Variants in NIT2 observed in about 807,000 individuals in gnomAD.
The protein encoded by NIT2 is nitrilase family member 2, also known as omega-amidase NIT2.
A neutral mutation model predicts 42.7 loss-of-function variants in NIT2; 46 were observed. The observed-to-expected ratio is 1.08, with a 90% confidence interval of 0.85 to 1.38. The LOEUF (loss-of-function observed/expected upper bound fraction) is 1.38, where lower values mean the gene tolerates loss of function less well. Among genes scored for constraint, NIT2 ranks in the 40% most tolerant of loss-of-function variants. The pLI is 0.00. For synonymous variants in NIT2, 123 were observed against 121.9 expected, an observed-to-expected ratio of 1.01 and a Z score of -0.06; for missense variants, 309 against 342.5, an observed-to-expected ratio of 0.90 and a Z score of 0.77.
At chr3:100,352,050 C>G (rs983251875) in intron 7 of NIT2, among the ~76,000 whole-genome samples, 1 of 152,116 alleles carries the variant, frequency 6.6e-6, no homozygotes, top group Non-Finnish European at 1.5e-5. Flanking sequence ...CAAATCAAAA[C>G]CACAATGAGA....
At position 100,358,795 on chromosome 3, in the gene NIT2, C is replaced by T. The variant is rs1576205841; in HGVS notation, c.*3527C>T. ...TACACCAAGTGGAAAAAAGTTTAGA[C>T]AAGAGTTTAGGTTTCAAGATAAATG... On this transcript the variant is annotated 3_prime_UTR_variant, in exon 10 of 10. Coordinates refer to ENST00000394140, the MANE Select transcript of NIT2 (RefSeq NM_020202.5). The T allele has an allele frequency of 6.6e-6, 1 of 152,286 alleles. No homozygotes were observed. Among genetic ancestry groups the T allele is most frequent in the East Asian group, 1.9e-4 (1 of 5,190 alleles). The allele number at this position is 152,286 out of a possible 1,614,324, so 9.4% of individuals were successfully genotyped here. A position where few individuals can be genotyped will look rare whatever the true frequency, so the allele number is the denominator to read the frequency against.
chr3:100,345,511 G>A (rs1404653911), intron 4 of NIT2, 74 bp from the exon 5 acceptor site: 8 of 1,008,836 alleles, frequency 7.9e-6, no homozygotes, highest in East Asian at 5.1e-5. Flanking sequence ...GTATCTGCCC[G>A]GGGAAAGATA....
At chr3:100,337,532 TA>T (rs1456864333) in intron 1 of NIT2, among the ~76,000 whole-genome samples, 1 of 152,156 alleles carries the variant, frequency 6.6e-6, no homozygotes, top group Non-Finnish European at 1.5e-5. Flanking sequence ...TGGCTCACTG[TA>T]ACCTCCAACT....
chr3:100,354,071 C>A (rs1576204248), intron 8 of NIT2, among the ~76,000 whole-genome samples: 1 of 152,230 alleles, frequency 6.6e-6, no homozygotes. Context: ...CTACCGCACC[C>A]TTCCTGGAGA....
intron 6 of NIT2, among the ~76,000 whole-genome samples, chr3:100,347,250 C>G (rs1208088387): frequency 1.3e-5 from 2 of 152,034 alleles, no homozygotes; most frequent in Non-Finnish European, 2.9e-5. Flanking sequence ...TGCCCACCAC[C>G]AGGCCCAGCT....
In NIT2 at chr3:100,334,892, C is replaced by A. The variant is rs2306745; in HGVS notation, c.7+94C>A. 208 of 1,142,070 alleles carry A rather than the reference C, an allele frequency of 1.8e-4. No homozygotes were observed. In the East Asian group the frequency reaches 7.0e-3, roughly 38 times the overall value. 70.7% of individuals were successfully genotyped at this position (1,142,070 alleles called of 1,614,324 possible). ...GGTGGCTCGGCCGGCTCAGCCCCTC[C>A]GCCCCGCGTCCCCGCCGTGCGCGGC... On this transcript the variant is annotated intron_variant, in intron 1 of 9. Transcript: ENST00000394140.
chr3:100,338,063 C>G (rs1463359105), intron 1 of NIT2, among the ~76,000 whole-genome samples: 3 of 152,052 alleles, frequency 2.0e-5, no homozygotes, highest in Non-Finnish European at 4.4e-5. Context: ...AGAACAAGGC[C>G]CTGCCTCAAA....
chr3:100,361,289 T>C lies in NIT2; in HGVS notation c.*6021T>C, dbSNP rs115523307. 1 of 145,666 alleles carries C rather than the reference T, an allele frequency of 6.9e-6. No homozygotes were observed. The highest frequency in any genetic ancestry group is 2.6e-4 in the East Asian group (1 of 3,910). 9.0% of individuals were successfully genotyped at this position (145,666 alleles called of 1,614,324 possible). ...TTAAACCTTTCGCCCTCTAAAACAA[T>C]GCCCAAGAGCCAATGTTAGTCATGG... On this transcript the variant is annotated 3_prime_UTR_variant, in exon 10 of 10. Coordinates refer to ENST00000394140, the MANE Select transcript of NIT2 (RefSeq NM_020202.5).
chr3:100,338,389 T>C (rs930252012), intron 1 of NIT2, among the ~76,000 whole-genome samples: 12 of 152,204 alleles, frequency 7.9e-5, no homozygotes, highest in Admixed American at 2.6e-4. Flanking sequence ...TGAATACTTA[T>C]GGGGTAAGTG....
intron 4 of NIT2, among the ~76,000 whole-genome samples, chr3:100,342,427 T>C (rs1706166784): frequency 6.6e-6 from 1 of 152,128 alleles, no homozygotes; most frequent in African/African-American, 2.4e-5. Context: ...TTTTTCCCTT[T>C]GTTCATCTTT....
At chr3:100,342,413 C>CT (rs1443922347) in intron 4 of NIT2, among the ~76,000 whole-genome samples, 1 of 150,872 alleles carries the variant, frequency 6.6e-6, no homozygotes, top group African/African-American at 2.4e-5. Flanking sequence ...AGACATTTTA[C>CT]TTTTTTTTCC....
In NIT2 at chr3:100,339,678, A is replaced by G. The variant is rs1706125542; in HGVS notation, c.127-137A>G. On this transcript the variant is annotated intron_variant, in intron 2 of 9. Coordinates refer to ENST00000394140, the MANE Select transcript of NIT2 (RefSeq NM_020202.5). ...ACAGGCTCTTTACCCTTGAGATGTC[A>G]GTGTTTTTCTTATTAGCTGTGTTTT... 3 of 766,930 alleles carry G rather than the reference A, an allele frequency of 3.9e-6. No homozygotes were observed. The East Asian group carries it at 8.0e-5, about 20-fold the overall frequency. The allele number at this position is 766,930 out of a possible 1,614,324, so 47.5% of individuals were successfully genotyped here. A position where few individuals can be genotyped will look rare whatever the true frequency, so the allele number is the denominator to read the frequency against.
In NIT2 at chr3:100,354,737, G is replaced by A. The variant is rs78763187; in HGVS notation, c.684-35G>A. 3.1e-3 allele frequency: 4,897 copies of A among 1,564,488 alleles called. 130 individuals carry two copies. The African/African-American group carries it at 0.059, about 19-fold the overall frequency. The stretch of plus-strand genomic sequence containing the variant: ...AGACCTTGAATATCACCAAACATCA[G>A]TGAATCCACTCATTCTCTTCTGCAT... On this transcript the variant is annotated intron_variant, in intron 8 of 9. Transcript: ENST00000394140.
intron 3 of NIT2, among the ~76,000 whole-genome samples, chr3:100,340,225 T>C (rs1179425131): frequency 6.6e-6 from 1 of 152,100 alleles, no homozygotes; most frequent in Non-Finnish European, 1.5e-5. Context: ...CCACCATGCC[T>C]GGCTGATTTT....
rs1225056307 is a variant in NIT2 at position 100,357,771 on chromosome 3, A to G, written c.*2503A>G. On this transcript the variant is annotated 3_prime_UTR_variant, in exon 10 of 10. Transcript: ENST00000394140. ...TCTCAGGCCTCAGCCTCCTAAAAGTAGCTGAGACTACAGGCACGTGCCACC... is the reference window on the plus strand; with the variant it reads ...TCTCAGGCCTCAGCCTCCTAAAAGTGGCTGAGACTACAGGCACGTGCCACC... 1 of 150,946 alleles carries G rather than the reference A, an allele frequency of 6.6e-6. No homozygotes were observed. The highest frequency in any genetic ancestry group is 1.5e-5 in the Non-Finnish European group (1 of 67,984). The allele number at this position is 150,946 out of a possible 1,614,324, so 9.4% of individuals were successfully genotyped here. A position where few individuals can be genotyped will look rare whatever the true frequency, so the allele number is the denominator to read the frequency against.
At chr3:100,354,852 A>G (rs774929903) in intron 9 of NIT2, 25 bp downstream of exon 9, 13 of 1,599,702 alleles carry the variant, frequency 8.1e-6, no homozygotes, top group Non-Finnish European at 1.0e-5. Context: ...GGCATGGTTT[A>G]GGTCTCTGAT....
intron 1 of NIT2, among the ~76,000 whole-genome samples, chr3:100,336,272 TTTCAGACTC>T (rs1209079562): frequency 6.6e-6 from 1 of 152,138 alleles, no homozygotes; most frequent in Non-Finnish European, 1.5e-5. Flanking sequence ...ATGGTAGGAT[TTTCAGACTC>T]TGGAGCAGAG....
rs150196094 is a variant in NIT2, at chr3:100,350,507, T to C, written c.584+1626T>C. ...TTTAACCAGAGAAGCTCTTCTCTTATGTTAGCTTATAGCAGGCTTTCTCAG... is the reference window on the plus strand; with the variant it reads ...TTTAACCAGAGAAGCTCTTCTCTTACGTTAGCTTATAGCAGGCTTTCTCAG... On this transcript the variant is annotated intron_variant, in intron 7 of 9. Transcript: ENST00000394140. Among the ~76,000 whole-genome samples, 420 of 152,314 alleles carry C rather than the reference T, an allele frequency of 2.8e-3. 2 individuals carry two copies. Among genetic ancestry groups the C allele is most frequent in the African/African-American group, 9.5e-3 (396 of 41,578 alleles).
At chr3:100,355,073 G>C in intron 9 of NIT2, 104 bp from the exon 10 acceptor site, 1 of 854,800 alleles carries the variant, frequency 1.2e-6, no homozygotes, top group Non-Finnish European at 1.9e-6. Context: ...ATGTTACTAA[G>C]TTACTTACTA....
Sources: allele counts gnomAD v4.1 joint callset (sites outside exome capture counted in the v4.1 genomes callset), GRCh38; gene constraint gnomAD v4.1.1; transcripts MANE v1.5; gene names NCBI Gene and HGNC (gene_info 2026-07-23, HGNC 2026-07-21).